Variants in SRP68 observed in about 807,000 individuals in gnomAD.
The protein encoded by SRP68 is signal recognition particle 68, also known as signal recognition particle subunit SRP68.
A neutral mutation model predicts 82.2 loss-of-function variants in SRP68; 15 were observed. The observed-to-expected ratio is 0.18, with a 90% CI of 0.12 to 0.28. The LOEUF is 0.28. Among genes scored for constraint, SRP68 ranks in the 10% least tolerant of loss-of-function variants. The pLI is 1.00. For missense variants in SRP68, 595 were observed against 780.5 expected (o/e 0.76, Z 2.83); for synonymous variants, 261 against 292.6 (o/e 0.89, Z 1.10).
At position 76,072,281 on chromosome 17, in the gene SRP68, G is replaced by T. The variant is rs1330929749; in HGVS notation, c.184+27C>A. ...CTCCAGTTCGACACGTAATCATTGC[G>T]AGTTAGGCCCGATTACTCTAGGATA... On this transcript the variant is annotated intron_variant, in intron 1 of 15. Coordinates refer to ENST00000307877, the MANE Select transcript of SRP68 (RefSeq NM_014230.4). This position sits in a 1 kb window ranked among gnomAD's most constrained non-coding sequence, Gnocchi z 4.5. 2 of 1,605,114 alleles carry T rather than the reference G, an allele frequency of 1.2e-6. No homozygotes were observed. Among genetic ancestry groups the T allele is most frequent in the Non-Finnish European group, 1.7e-6 (2 of 1,177,352 alleles).
At chr17:76,042,545 A>G (rs2066599427) in intron 13 of SRP68, among the ~76,000 whole-genome samples, 1 of 151,934 alleles carries the variant, frequency 6.6e-6, no homozygotes, top group Non-Finnish European at 1.5e-5. Flanking sequence ...TAAAAAAAAA[A>G]AAAAAAAAAA....
chr17:76,065,893 G>A (rs1431632550), intron 3 of SRP68, among the ~76,000 whole-genome samples: 2 of 151,548 alleles, frequency 1.3e-5, no homozygotes, highest in South Asian at 2.1e-4. Context: ...CAAGGACCAT[G>A]CCTCCTCTCC....
intron 4 of SRP68, 88 bp downstream of exon 4, chr17:76,063,888 A>G: frequency 1.6e-6 from 2 of 1,220,450 alleles, no homozygotes; most frequent in South Asian, 3.4e-5. Flanking sequence ...TCACTTTCTA[A>G]CACTAAGAAA....
rs755033395 is a variant in SRP68, at chr17:76,040,480, AGTT to A, written c.1601-9_1601-7del. ...TTGATGAGCGTCGTTTGCATCTGAA[AGTT>A]TCACAGGGATTCAGTAAGAACAAGG... On this transcript the variant is annotated splice_polypyrimidine_tract_variant and splice_region_variant and intron_variant, in intron 14 of 15. Coordinates refer to ENST00000307877, the MANE Select transcript of SRP68 (RefSeq NM_014230.4). 1 of 1,613,578 alleles carries A rather than the reference AGTT, an allele frequency of 6.2e-7. No individual in the cohort carries two copies. Among genetic ancestry groups the A allele is most frequent in the Non-Finnish European group, 8.5e-7 (1 of 1,179,564 alleles).
intron 1 of SRP68, 28 bp from the exon 2 acceptor site, chr17:76,070,472 C>G: frequency 6.3e-7 from 1 of 1,588,610 alleles, no homozygotes; most frequent in Non-Finnish European, 8.6e-7. Context: ...GAAAATCTTA[C>G]CATAGCAAGA....
At position 76,070,390 on chromosome 17, in the gene SRP68, A is replaced by C. The variant is rs939293655; in HGVS notation, c.239T>G (p.Phe80Cys). The C allele has an allele frequency of 6.2e-7, 1 of 1,613,958 alleles. No homozygotes were observed. The highest frequency in any genetic ancestry group is 8.5e-7 in the Non-Finnish European group (1 of 1,179,926). Residue 80 changes from phenylalanine to cysteine, a missense_variant, in exon 2 of 16, where the codon TTT (phenylalanine) becomes TGT (cysteine). Phe to Cys is a radical substitution (Grantham distance 205, BLOSUM62 -2). This residue lies in a region of SRP68 where 495 missense variants were observed against 688.6 expected (regional missense o/e 0.72). Transcript: ENST00000307877. ...ATGTGATACTAACCTGTACCTCTGA[A>C]AATCTCCATGCCGTAAACCATGCTG... ...QQQHGLRHGDFQRYRGYCSRR... is the reference protein window; with the variant it reads ...QQQHGLRHGDCQRYRGYCSRR...
At chr17:76,049,393 G>C (rs2066655151) in intron 9 of SRP68, 1 of 152,240 alleles carries the variant, frequency 6.6e-6, no homozygotes, top group Non-Finnish European at 1.5e-5. Context: ...GGTTTGGACA[G>C]GTGAAGAGGG....
intron 3 of SRP68, among the ~76,000 whole-genome samples, chr17:76,065,437 CAAAA>C (rs11338515): frequency 5.1e-5 from 4 of 79,010 alleles, no homozygotes. Context: ...GACCCTGTCT[CAAAA>C]AAAAAAAAAA....
intron 7 of SRP68, 125 bp from the exon 8 acceptor site, chr17:76,057,668 T>C (rs754455782): frequency 3.8e-6 from 4 of 1,063,100 alleles, no homozygotes; most frequent in Non-Finnish European, 5.4e-6. Flanking sequence ...GAAAGTAGAG[T>C]ATACACCAAT....
chr17:76,040,499 A>G lies in SRP68; in HGVS notation c.1601-25T>C, dbSNP rs201839716. 5.0e-5 allele frequency: 80 copies of G among 1,609,826 alleles called. No homozygotes were observed. The East Asian group carries it at 1.5e-3, about 30-fold the overall frequency. On this transcript the variant is annotated intron_variant, in intron 14 of 15. Coordinates refer to ENST00000307877, the MANE Select transcript of SRP68 (RefSeq NM_014230.4). The stretch of plus-strand genomic sequence containing the variant: ...TCTGAAAGTTTCACAGGGATTCAGT[A>G]AGAACAAGGATTTATAATAGCACAC...
intron 9 of SRP68, chr17:76,049,534 AG>A (rs1464470944): frequency 6.6e-6 from 1 of 152,266 alleles, no homozygotes; most frequent in Non-Finnish European, 1.5e-5. Context: ...GATGCAGTGA[AG>A]TACAAGGCTG....
intron 6 of SRP68, chr17:76,060,637 C>T (rs1374594776): frequency 4.5e-6 from 2 of 443,954 alleles, no homozygotes; most frequent in Non-Finnish European, 8.0e-6. Flanking sequence ...ATAGAATGTA[C>T]AACATCAAGC....
At chr17:76,059,238 C>T (rs763214644) in intron 7 of SRP68, among the ~76,000 whole-genome samples, 2 of 151,988 alleles carry the variant, frequency 1.3e-5, no homozygotes, top group Admixed American at 6.6e-5. Flanking sequence ...AAAAGAGACG[C>T]TGTTCAAAAA....
chr17:76,069,094 T>C (rs531516390), intron 2 of SRP68, among the ~76,000 whole-genome samples: 3 of 151,856 alleles, frequency 2.0e-5, no homozygotes, highest in East Asian at 1.9e-4. Context: ...GATATTTCAA[T>C]ACTACTTCAG....
chr17:76,060,067 A>G (rs1202740744), intron 7 of SRP68, among the ~76,000 whole-genome samples: 2 of 135,080 alleles, frequency 1.5e-5, no homozygotes, highest in Non-Finnish European at 3.1e-5. Flanking sequence ...TGGAGCTTGC[A>G]GTAAGCCGAG....
chr17:76,067,057 T>A (rs1392978904), intron 3 of SRP68, among the ~76,000 whole-genome samples, 160 bp downstream of exon 3: 1 of 152,078 alleles, frequency 6.6e-6, no homozygotes, highest in African/African-American at 2.4e-5. Flanking sequence ...ACCTAATGTA[T>A]CTCTTTGAGC....
chr17:76,050,264 A>G (rs2066661705), intron 9 of SRP68, among the ~76,000 whole-genome samples, 164 bp downstream of exon 9: 1 of 152,172 alleles, frequency 6.6e-6, no homozygotes, highest in Non-Finnish European at 1.5e-5. Flanking sequence ...GATGGAGCCC[A>G]GAGGCCCTTG....
chr17:76,068,068 G>T (rs571398672), intron 2 of SRP68, among the ~76,000 whole-genome samples: 1 of 151,876 alleles, frequency 6.6e-6, no homozygotes, highest in Non-Finnish European at 1.5e-5. Flanking sequence ...GAGGTGGGCG[G>T]ATCACTTGAT....
At chr17:76,040,244 G>A (rs1030291491) in intron 15 of SRP68, among the ~76,000 whole-genome samples, 175 bp downstream of exon 15, 1 of 152,210 alleles carries the variant, frequency 6.6e-6, no homozygotes, top group Non-Finnish European at 1.5e-5. Flanking sequence ...TCTTCCCAGG[G>A]ATGATCTGAC....
Sources: allele counts gnomAD v4.1 joint callset (sites outside exome capture counted in the v4.1 genomes callset), GRCh38; gene constraint gnomAD v4.1.1; regional missense constraint gnomAD v4.1.1; non-coding constraint Gnocchi (gnomAD v3.1); transcripts MANE v1.5; gene names NCBI Gene and HGNC (gene_info 2026-07-23, HGNC 2026-07-21).